Variants in PRKN observed in about 807,000 individuals in gnomAD.
PRKN encodes the protein parkin RBR E3 ubiquitin protein ligase.
Under a neutral mutation model 59.5 loss-of-function variants are expected in PRKN, and 56 were observed. That is an observed-to-expected ratio of 0.94 (90% CI 0.76 to 1.18). The LOEUF (loss-of-function observed/expected upper bound fraction) is 1.18. PRKN is among the 50% of genes most tolerant of loss of function. The pLI is 0.00. For synonymous variants in PRKN, 250 were observed against 222.1 expected (o/e 1.13, Z -1.12); for missense variants, 657 against 596.4 (o/e 1.10, Z -1.06).
At chr6:162,136,999 T>TC (rs1378904268) in intron 4 of PRKN, among the ~76,000 whole-genome samples, 9 of 151,856 alleles carry the variant, frequency 5.9e-5, no homozygotes, top group Non-Finnish European at 1.2e-4. Flanking sequence ...TGGGCAGATG[T>TC]ATAAAGAGGA....
intron 1 of PRKN, among the ~76,000 whole-genome samples, chr6:162,476,722 G>A (rs1792038823): frequency 6.6e-6 from 1 of 152,106 alleles, no homozygotes; most frequent in Non-Finnish European, 1.5e-5. Flanking sequence ...AGCCACAAGA[G>A]TAACACTGAT....
chr6:161,905,872 A>G (rs955416764), intron 6 of PRKN, among the ~76,000 whole-genome samples: 1 of 150,894 alleles, frequency 6.6e-6, no homozygotes, highest in Non-Finnish European at 1.5e-5. Context: ...AGGCAGGAGA[A>G]TCACTTGAAC....
Position 161,447,968 on chromosome 6 carries a change from T to C in PRKN, c.1084-61091A>G, listed in dbSNP as rs1641274479. ...CTTCCTGATTTTTGTGTTGAGATCT[T>C]AGACCTTAACCAGACTTATAGCCTT... On this transcript the variant is annotated intron_variant, in intron 9 of 11. Transcript: ENST00000366898. This position sits in a 1 kb window ranked among gnomAD's most constrained non-coding sequence, Gnocchi z 4.1. 6.6e-6 allele frequency among the ~76,000 whole-genome samples: 1 copy of C among 152,226 alleles called. No individual in the cohort carries two copies. The highest frequency in any genetic ancestry group is 6.5e-5 in the Admixed American group (1 of 15,290).
chr6:161,545,850 T>G lies in PRKN; in HGVS notation c.1083+3004A>C, dbSNP rs1181584614. On this transcript the variant is annotated intron_variant, in intron 9 of 11. Coordinates refer to ENST00000366898, the MANE Select transcript of PRKN (RefSeq NM_004562.3). This position sits in a 1 kb window ranked among gnomAD's most constrained non-coding sequence, Gnocchi z 4.1. ...ATGTGCCTGGTACTCAGATCAGACTTGAATAGTCACCATGGTTCCTTGTGG... is the reference window on the plus strand; with the variant it reads ...ATGTGCCTGGTACTCAGATCAGACTGGAATAGTCACCATGGTTCCTTGTGG... Among the ~76,000 whole-genome samples, 4 of 152,200 alleles carry G rather than the reference T, an allele frequency of 2.6e-5. No individual in the cohort carries two copies. The highest frequency in any genetic ancestry group is 2.1e-4 in the South Asian group (1 of 4,826).
chr6:161,598,412 T>C (rs9458312), intron 7 of PRKN, among the ~76,000 whole-genome samples: 109,319 of 152,114 alleles, frequency 0.72, 40,523 homozygotes, highest in African/African-American at 0.91. Context: ...AAAAGACCTG[T>C]AAATGAAAGA....
chr6:161,421,348 T>G (rs1445707216), intron 9 of PRKN, among the ~76,000 whole-genome samples: 1 of 152,184 alleles, frequency 6.6e-6, no homozygotes, highest in African/African-American at 2.4e-5. Flanking sequence ...AGATATAGAA[T>G]TTCCATCCAA....
At position 161,410,579 on chromosome 6, in the gene PRKN, C is replaced by T. The variant is rs1405386900; in HGVS notation, c.1084-23702G>A. 5.9e-5 allele frequency among the ~76,000 whole-genome samples: 9 copies of T among 152,020 alleles called. No homozygotes were observed. Among genetic ancestry groups the T allele is most frequent in the South Asian group, 2.1e-4 (1 of 4,814 alleles). On this transcript the variant is annotated intron_variant, in intron 9 of 11. Transcript: ENST00000366898. The surrounding 1 kb of genome is among the most constrained non-coding windows in gnomAD (Gnocchi z 5.3). ...GGTCTGAGCTGGACACACACAGCAG[C>T]GAGAGGGGAAGGGCGAGCTATTTCC...
intron 1 of PRKN, among the ~76,000 whole-genome samples, chr6:162,462,288 A>C (rs755707284): frequency 3.3e-5 from 5 of 152,248 alleles, no homozygotes; most frequent in Non-Finnish European, 7.3e-5. Context: ...GAATTGAAAG[A>C]TATTCTAAAA....
Position 162,442,420 on chromosome 6 carries a change from C to A in PRKN, c.171+890G>T, listed in dbSNP as rs146297360. On this transcript the variant is annotated intron_variant, in intron 2 of 11. Transcript: ENST00000366898. The stretch of plus-strand genomic sequence containing the variant: ...CAGGGACCATTCCCAGAAAGCGTTT[C>A]GTCTTTCTTGCATTCACAAAGAATA... Among the ~76,000 whole-genome samples the A allele has an allele frequency of 5.9e-5, 9 of 152,206 alleles. 1 individual carries two copies. Among genetic ancestry groups the A allele is most frequent in the African/African-American group, 1.7e-4 (7 of 41,456 alleles).
At chr6:161,570,607 T>A (rs1030414348) in intron 7 of PRKN, among the ~76,000 whole-genome samples, 2 of 152,022 alleles carry the variant, frequency 1.3e-5, no homozygotes, top group African/African-American at 4.8e-5. Flanking sequence ...CTCTTCCTGA[T>A]GATTTTCTTA....
intron 7 of PRKN, among the ~76,000 whole-genome samples, chr6:161,631,768 G>GGCAA (rs1783319695): frequency 1.6e-5 from 1 of 61,080 alleles, no homozygotes; most frequent in Non-Finnish European, 3.2e-5. Flanking sequence ...CACACACCCA[G>GGCAA]ACAAACACAC....
intron 1 of PRKN, among the ~76,000 whole-genome samples, chr6:162,450,308 T>C (rs1790530534): frequency 8.7e-6 from 1 of 114,648 alleles, no homozygotes; most frequent in Admixed American, 7.8e-5. Context: ...CCTGTGAATA[T>C]GAACGCCCGT....
At chr6:161,901,471 A>G (rs1057442737) in intron 6 of PRKN, among the ~76,000 whole-genome samples, 83 of 152,084 alleles carry the variant, frequency 5.5e-4, no homozygotes, top group African/African-American at 1.9e-3. Flanking sequence ...ATGTCCAAAT[A>G]CTCACATCAT....
intron 2 of PRKN, among the ~76,000 whole-genome samples, chr6:162,398,265 A>G (rs1281036774): frequency 6.6e-6 from 1 of 152,188 alleles, no homozygotes; most frequent in Non-Finnish European, 1.5e-5. Flanking sequence ...ATAAAGCTTT[A>G]TAACATCAAC....
At chr6:162,601,060 A>G (rs1781688215) in intron 1 of PRKN, among the ~76,000 whole-genome samples, 1 of 152,176 alleles carries the variant, frequency 6.6e-6, no homozygotes, top group Non-Finnish European at 1.5e-5. Context: ...TTGGGATCCC[A>G]GTTCTAGAAG....
chr6:162,241,439 A>G (rs1434188268), intron 3 of PRKN, among the ~76,000 whole-genome samples: 2 of 152,096 alleles, frequency 1.3e-5, no homozygotes, highest in Non-Finnish European at 2.9e-5. Context: ...AATGAGTTCA[A>G]GTAGAGATAA....
At chr6:161,681,248 G>A (rs912235061) in intron 7 of PRKN, among the ~76,000 whole-genome samples, 6 of 152,088 alleles carry the variant, frequency 3.9e-5, no homozygotes, top group South Asian at 2.1e-4. Flanking sequence ...AGGCCTAAGC[G>A]ACTGCACCCA....
chr6:161,819,061 C>T (rs1791911533), intron 6 of PRKN, among the ~76,000 whole-genome samples: 1 of 152,190 alleles, frequency 6.6e-6, no homozygotes, highest in Non-Finnish European at 1.5e-5. Flanking sequence ...TGCATTCAAA[C>T]ATTATACTCC....
At chr6:162,455,476 T>A in intron 1 of PRKN, among the ~76,000 whole-genome samples, 1 of 152,220 alleles carries the variant, frequency 6.6e-6, no homozygotes, top group Non-Finnish European at 1.5e-5. Flanking sequence ...CACTGAATAC[T>A]GTAGGCAATT....
Sources: gnomAD v4.1 joint callset for allele counts (sites outside exome capture counted in the v4.1 genomes callset) on GRCh38, gnomAD v4.1.1 for gene constraint, Gnocchi (gnomAD v3.1) non-coding constraint, MANE v1.5 for transcripts, NCBI Gene and HGNC (gene_info 2026-07-23, HGNC 2026-07-21) for gene names.